Variants in SPTA1 observed in about 807,000 individuals in gnomAD.
SPTA1 encodes spectrin alpha, erythrocytic 1.
In SPTA1, 177 loss-of-function variants were observed where a neutral mutation model predicts 324.7. The observed-to-expected ratio is 0.55, with a 90% CI of 0.48 to 0.62. SPTA1 has a LOEUF of 0.62. Ranked by LOEUF, SPTA1 falls within the 20% of genes least tolerant of loss-of-function variation. The pLI is 0.00. For missense variants in SPTA1, 3,162 were observed against 2,883.6 expected (o/e 1.10, Z -2.21); for synonymous variants, 1,195 against 1,041.3 (o/e 1.15, Z -2.84).
chr1:158,654,864 C>A, intron 20 of SPTA1, 116 bp from the exon 21 acceptor site: 1 of 1,399,272 alleles, frequency 7.1e-7, no homozygotes, highest in Non-Finnish European at 9.9e-7. Context: ...CTGGCTGGAA[C>A]CTCTTACGTG....
chr1:158,614,168 C>T, intron 49 of SPTA1, 85 bp downstream of exon 49: 1 of 1,134,202 alleles, frequency 8.8e-7, no homozygotes, highest in South Asian at 1.3e-5. Context: ...CACCAAGCCT[C>T]ACAGAGTGAG....
intron 27 of SPTA1, among the ~76,000 whole-genome samples, chr1:158,646,161 C>A (rs1651984497): frequency 6.6e-6 from 1 of 152,160 alleles, no homozygotes; most frequent in South Asian, 2.1e-4. Flanking sequence ...AAATCAAGGT[C>A]TATTTCCCTA....
At chr1:158,613,922 G>A (rs1191496890) in intron 49 of SPTA1, 55 bp from the exon 50 acceptor site, 1 of 1,574,798 alleles carries the variant, frequency 6.4e-7, no homozygotes, top group Non-Finnish European at 8.7e-7. Context: ...AAAACCAAGT[G>A]AGAACAGAAA....
rs1397813031 is a variant in SPTA1, at chr1:158,647,428, C to T, written c.3896+111G>A. 34 of 1,377,466 alleles carry T rather than the reference C, an allele frequency of 2.5e-5. 1 individual carries two copies. The highest frequency in any genetic ancestry group is 3.4e-5 in the Non-Finnish European group (33 of 973,386). 85.3% of individuals were successfully genotyped at this position (1,377,466 alleles called of 1,614,324 possible). A position where few individuals can be genotyped will look rare whatever the true frequency, so the allele number is the denominator to read the frequency against. ...TTTTTATGCCTTGCAAGAGGTGAGA[C>T]TTAAACGTAGTGATGCCCTCCAAAA... is the stretch of plus-strand genomic sequence containing the variant. On this transcript the variant is annotated intron_variant, in intron 27 of 51. Transcript: ENST00000643759.
At chr1:158,661,448 G>T (rs372946506) in intron 17 of SPTA1, 39 bp from the exon 18 acceptor site, 72 of 1,613,020 alleles carry the variant, frequency 4.5e-5, no homozygotes, top group Non-Finnish European at 5.7e-5. Context: ...GGATTATCCT[G>T]GTGTATGGAA....
At chr1:158,633,060 G>C (rs964612008) in intron 39 of SPTA1, among the ~76,000 whole-genome samples, 8 of 152,116 alleles carry the variant, frequency 5.3e-5, no homozygotes, top group Middle Eastern at 3.2e-3. Context: ...TGAGTGAAAA[G>C]GTCAATCTTC....
At chr1:158,651,624 A>G (rs1652442422) in intron 23 of SPTA1, among the ~76,000 whole-genome samples, 156 bp from the exon 24 acceptor site, 3 of 152,234 alleles carry the variant, frequency 2.0e-5, no homozygotes, top group Non-Finnish European at 4.4e-5. Context: ...TGAGAAGAGT[A>G]TCCTTAAAGA....
Position 158,686,513 on chromosome 1 carries a change from T to A in SPTA1, c.5A>T (p.Glu2Val), listed in dbSNP as rs750427416. The A allele has an allele frequency of 6.3e-7, 1 of 1,593,526 alleles. No individual in the cohort carries two copies. The highest frequency in any genetic ancestry group is 1.7e-5 in the Admixed American group (1 of 59,882). ...ACTTACGGTTTCCTTTGGAAATTGC[T>A]CCATTTTTCCTAAAGGTTTAGAACC... The part of the protein sequence containing the change: M[E>V]QFPKETVVES... Residue 2 changes from glutamate to valine, a missense_variant, in exon 1 of 52, where the codon GAG becomes GTG. Coordinates refer to ENST00000643759, the MANE Select transcript of SPTA1 (RefSeq NM_003126.4).
chr1:158,663,621 A>G (rs148436219), intron 16 of SPTA1, among the ~76,000 whole-genome samples: 1 of 152,296 alleles, frequency 6.6e-6, no homozygotes, highest in East Asian at 1.9e-4. Context: ...AGTGAGGCAA[A>G]CTATACCTGG....
At chr1:158,661,706 T>C (rs969578676) in intron 17 of SPTA1, among the ~76,000 whole-genome samples, 1 of 152,196 alleles carries the variant, frequency 6.6e-6, no homozygotes, top group African/African-American at 2.4e-5. Flanking sequence ...AAATGTCCAA[T>C]ATTAGGCACA....
In SPTA1 at chr1:158,661,426, T is replaced by A; in HGVS notation, c.2465-17A>T. The A allele has an allele frequency of 6.2e-7, 1 of 1,613,772 alleles. No homozygotes were observed. The highest frequency in any genetic ancestry group is 8.5e-7 in the Non-Finnish European group (1 of 1,179,812). On this transcript the variant is annotated splice_polypyrimidine_tract_variant and intron_variant, in intron 17 of 51. Transcript: ENST00000643759. The stretch of plus-strand genomic sequence containing the variant: ...GGTCCTTTCCTGCAGAGGAAAGGAA[T>A]TTCAAAGTTTCGGATTATCCTGGTG...
chr1:158,630,959 T>G (rs1650633765), intron 39 of SPTA1, among the ~76,000 whole-genome samples: 1 of 151,924 alleles, frequency 6.6e-6, no homozygotes, highest in Non-Finnish European at 1.5e-5. Context: ...ATGGCCATAT[T>G]AAAAAGTCAA....
chr1:158,672,110 A>T lies in SPTA1; in HGVS notation c.1437T>A (p.His479Gln). 1 of 1,614,104 alleles carries T rather than the reference A, an allele frequency of 6.2e-7. No individual in the cohort carries two copies. Residue 479 changes from histidine to glutamine, a missense_variant, in exon 11 of 52, where the codon CAT becomes CAA. Physicochemically the swap from His to Gln is conservative, Grantham distance 24. Coordinates refer to ENST00000643759, the MANE Select transcript of SPTA1 (RefSeq NM_003126.4). ...HRQYEQCLDF[H>Q]LFYRDSEQVD... Reference sequence around the variant, plus strand: ...CTTGCTCACTGTCTCTGTAGAAGAGATGAAAGTCCAAGCACTGCTCATACT... The same window carrying T: ...CTTGCTCACTGTCTCTGTAGAAGAGTTGAAAGTCCAAGCACTGCTCATACT...
At chr1:158,640,057 C>T in intron 33 of SPTA1, 50 bp from the exon 34 acceptor site, 3 of 1,613,212 alleles carry the variant, frequency 1.9e-6, no homozygotes, top group East Asian at 2.2e-5. Flanking sequence ...ATCCCGGGCC[C>T]TGTGACTACT....
At chr1:158,641,570 C>A (rs1337126925) in intron 33 of SPTA1, among the ~76,000 whole-genome samples, 1 of 152,220 alleles carries the variant, frequency 6.6e-6, no homozygotes, top group East Asian at 1.9e-4. Flanking sequence ...TGCTCATCAT[C>A]ACTGGTCATC....
rs1037395586 is a variant in SPTA1 at position 158,649,935 on chromosome 1, G to A, written c.3490C>T (p.Arg1164Cys). 37 of 1,613,048 alleles carry A rather than the reference G, an allele frequency of 2.3e-5. No homozygotes were observed. The highest frequency in any genetic ancestry group is 5.3e-5 in the African/African-American group (4 of 74,916). ...GCAAGCCTCTGCAAAGAACCCCAGC[G>A]GGAATTCAATTCCTAAAAGAGGCAA... ...GAQIRQELNS[R>C]WGSLQRLADE... The change falls in exon 25 of 52, where the codon CGC (arginine) becomes TGC (cysteine). Residue 1164 changes from arginine (R) to cysteine (C), a missense_variant. By Grantham distance (180) the Arg-to-Cys change is radical (BLOSUM62 -3). Coordinates refer to ENST00000643759, the MANE Select transcript of SPTA1 (RefSeq NM_003126.4).
At position 158,686,595 on chromosome 1, in the gene SPTA1, G is replaced by A. The variant is rs1655199785; in HGVS notation, c.-78C>T. On this transcript the variant is annotated 5_prime_UTR_variant, in exon 1 of 52. Coordinates refer to ENST00000643759, the MANE Select transcript of SPTA1 (RefSeq NM_003126.4). ...AGAGAGAAATAATTCAAATGGAACT[G>A]TCCAGTCGAATTCAAATAGAAATAT... is the stretch of plus-strand genomic sequence containing the variant. 1 of 1,131,424 alleles carries A rather than the reference G, an allele frequency of 8.8e-7. No individual in the cohort carries two copies. Among genetic ancestry groups the A allele is most frequent in the Non-Finnish European group, 1.3e-6 (1 of 746,878 alleles). The allele number at this position is 1,131,424 out of a possible 1,614,324, so 70.1% of individuals were successfully genotyped here.
In SPTA1 at chr1:158,685,648, C is replaced by T. The variant is rs431295; in HGVS notation, c.25-301G>A. Among the ~76,000 whole-genome samples, 148,254 of 152,234 alleles carry T rather than the reference C, an allele frequency of 0.97. 72,295 individuals carry two copies. The highest frequency in any genetic ancestry group is 1 in the East Asian group (5,174 of 5,174). ...GACTGATCATGGAGCAAGTTTAAAT[C>T]AGCAAAATCACATAATTTCAGATAG... On this transcript the variant is annotated intron_variant, in intron 1 of 51. Coordinates refer to ENST00000643759, the MANE Select transcript of SPTA1 (RefSeq NM_003126.4).
chr1:158,654,544 G>A, intron 21 of SPTA1, 67 bp downstream of exon 21: 1 of 1,596,420 alleles, frequency 6.3e-7, no homozygotes, highest in South Asian at 1.1e-5. Context: ...ATGAATATCT[G>A]GCAGGATTGG....
Sources: gnomAD v4.1 joint callset for allele counts (sites outside exome capture counted in the v4.1 genomes callset) on GRCh38, gnomAD v4.1.1 for gene constraint, MANE v1.5 for transcripts, NCBI Gene and HGNC (gene_info 2026-07-23, HGNC 2026-07-21) for gene names.